The following STUM variants were observed in gnomAD, a reference collection of about 807,000 sequenced individuals.
STUM encodes the protein protein stum homolog.
STUM carries 8 observed loss-of-function variants against 15.3 expected under a neutral mutation model. The observed-to-expected ratio is 0.52, with a 90% confidence interval of 0.31 to 0.94. The LOEUF is 0.94. STUM is among the 40% of genes least tolerant of loss of function. The pLI is 0.05. For synonymous variants in STUM, 78 were observed against 88.7 expected, an observed-to-expected ratio of 0.88 and a Z score of 0.68; for missense variants, 142 against 204.9, an observed-to-expected ratio of 0.69 and a Z score of 1.87.
rs1413229801 is a variant in STUM at position 226,549,390 on chromosome 1, G to A, written c.202+284G>A. Reference sequence around the variant, plus strand: ...GGAGCCCGCAGCGGCGGCCGGAATGGCTCTGCCGGCTTCGGAGTAGGGCTC... The same window carrying A: ...GGAGCCCGCAGCGGCGGCCGGAATGACTCTGCCGGCTTCGGAGTAGGGCTC... On this transcript the variant is annotated intron_variant, in intron 1 of 3. Coordinates refer to ENST00000366788, the MANE Select transcript of STUM (RefSeq NM_001003665.4). The surrounding 1 kb of genome is among the most constrained non-coding windows in gnomAD (Gnocchi z 6.8). Among the ~76,000 whole-genome samples, 1 of 152,220 alleles carries A rather than the reference G, an allele frequency of 6.6e-6. No homozygotes were observed. The highest frequency in any genetic ancestry group is 2.4e-5 in the African/African-American group (1 of 41,468).
At chr1:226,562,904 G>T (rs1489636275) in intron 1 of STUM, among the ~76,000 whole-genome samples, 1 of 152,158 alleles carries the variant, frequency 6.6e-6, no homozygotes, top group Non-Finnish European at 1.5e-5. Context: ...AAGTTTAACT[G>T]TGCTATGAAT....
chr1:226,594,486 A>G (rs1462296435), intron 1 of STUM, among the ~76,000 whole-genome samples: 3 of 151,868 alleles, frequency 2.0e-5, no homozygotes, highest in Non-Finnish European at 4.4e-5. Flanking sequence ...CCCGCTTTTA[A>G]CAGGCCATCT....
chr1:226,599,580 A>C (rs1346041011), intron 2 of STUM, among the ~76,000 whole-genome samples: 1 of 152,258 alleles, frequency 6.6e-6, no homozygotes, highest in African/African-American at 2.4e-5. Flanking sequence ...GGCTTTTCGC[A>C]TGGCATTGCC....
intron 1 of STUM, among the ~76,000 whole-genome samples, chr1:226,570,815 A>G (rs535763122): frequency 2.0e-5 from 3 of 152,222 alleles, no homozygotes; most frequent in Non-Finnish European, 2.9e-5. Flanking sequence ...TAGCGTTCTG[A>G]TGAAGCCTTG....
chr1:226,548,846 C>T lies in STUM; in HGVS notation c.-59C>T, dbSNP rs918317128. The T allele has an allele frequency of 8.4e-4, 1,066 of 1,267,940 alleles. No individual in the cohort carries two copies. The highest frequency in any genetic ancestry group is 9.8e-4 in the Non-Finnish European group (984 of 1,005,164). The allele number at this position is 1,267,940 out of a possible 1,614,324, so 78.5% of individuals were successfully genotyped here. A position where few individuals can be genotyped will look rare whatever the true frequency, so the allele number is the denominator to read the frequency against. On this transcript the variant is annotated 5_prime_UTR_variant, in exon 1 of 4. Coordinates refer to ENST00000366788, the MANE Select transcript of STUM (RefSeq NM_001003665.4). The stretch of plus-strand genomic sequence containing the variant: ...GCCCGCAGCCGACAGTCTCCTGCTC[C>T]CGTACGCTGGGCGCCAGCTCCGGCC...
intron 1 of STUM, among the ~76,000 whole-genome samples, chr1:226,580,230 C>T (rs1667897117): frequency 6.6e-6 from 1 of 152,078 alleles, no homozygotes; most frequent in South Asian, 2.1e-4. Context: ...GTGTGGATCT[C>T]TGAGATGAGA....
chr1:226,582,228 G>T (rs916238298), intron 1 of STUM, among the ~76,000 whole-genome samples: 2 of 152,204 alleles, frequency 1.3e-5, no homozygotes, highest in East Asian at 3.9e-4. Flanking sequence ...TTAATCCTTG[G>T]TTCTTTCCTG....
chr1:226,597,757 G>A (rs976241747), intron 2 of STUM, among the ~76,000 whole-genome samples: 4 of 152,258 alleles, frequency 2.6e-5, no homozygotes, highest in Non-Finnish European at 4.4e-5. Flanking sequence ...TAGATGCAGA[G>A]CCTGAGGGAG....
intron 1 of STUM, among the ~76,000 whole-genome samples, chr1:226,577,306 A>G (rs535177842): frequency 6.6e-5 from 10 of 152,312 alleles, no homozygotes; most frequent in African/African-American, 2.4e-4. Flanking sequence ...GTCGGGTGAC[A>G]TGATTCTAGT....
At chr1:226,557,001 C>T (rs540257720) in intron 1 of STUM, among the ~76,000 whole-genome samples, 1 of 152,292 alleles carries the variant, frequency 6.6e-6, no homozygotes, top group South Asian at 2.1e-4. Context: ...GAAGTTTACT[C>T]CCTTAGCAAC....
intron 2 of STUM, 95 bp downstream of exon 2, chr1:226,597,076 C>A: frequency 8.2e-7 from 1 of 1,213,100 alleles, no homozygotes; most frequent in South Asian, 1.2e-5. Flanking sequence ...AGGTCCTGCT[C>A]ACCCGCTAAG....
At chr1:226,550,599 T>TC (rs1005728138) in intron 1 of STUM, among the ~76,000 whole-genome samples, 1 of 151,934 alleles carries the variant, frequency 6.6e-6, no homozygotes, top group African/African-American at 2.4e-5. Context: ...ATCCACCTTT[T>TC]TTTTTTTTTT....
rs748550128 is a variant in STUM at position 226,549,865 on chromosome 1, T to G, written c.202+759T>G. ...GCAGCCGGCAGGGGTTCTGGTGGCA[T>G]CTATGTCCCACGTTTTAAAGCAGAG... On this transcript the variant is annotated intron_variant, in intron 1 of 3. Transcript: ENST00000366788. The surrounding 1 kb of genome is among the most constrained non-coding windows in gnomAD (Gnocchi z 6.8). Among the ~76,000 whole-genome samples, 7 of 152,188 alleles carry G rather than the reference T, an allele frequency of 4.6e-5. No homozygotes were observed. The highest frequency in any genetic ancestry group is 8.8e-5 in the Non-Finnish European group (6 of 68,028).
intron 3 of STUM, among the ~76,000 whole-genome samples, chr1:226,601,419 C>A (rs1273859184): frequency 6.6e-6 from 1 of 152,212 alleles, no homozygotes; most frequent in African/African-American, 2.4e-5. Flanking sequence ...AACACAATAC[C>A]CTTTCACACC....
chr1:226,555,040 A>G (rs901914528), intron 1 of STUM, among the ~76,000 whole-genome samples: 1 of 151,490 alleles, frequency 6.6e-6, no homozygotes, highest in African/African-American at 2.4e-5. Context: ...ATAGGGGCTC[A>G]CTCCCTCCTC....
At chr1:226,561,623 A>T (rs1427136247) in intron 1 of STUM, among the ~76,000 whole-genome samples, 1 of 152,212 alleles carries the variant, frequency 6.6e-6, no homozygotes, top group Non-Finnish European at 1.5e-5. Context: ...TTACCCTGTG[A>T]ACTTTCCAGT....
chr1:226,595,500 G>C (rs1668164343), intron 1 of STUM, among the ~76,000 whole-genome samples: 1 of 152,194 alleles, frequency 6.6e-6, no homozygotes, highest in African/African-American at 2.4e-5. Flanking sequence ...ATCTCTCTCT[G>C]TGTGTGTAAG....
chr1:226,561,744 G>C (rs1370559819), intron 1 of STUM, among the ~76,000 whole-genome samples: 2 of 152,128 alleles, frequency 1.3e-5, no homozygotes, highest in Non-Finnish European at 1.5e-5. Context: ...TAAGTCTAAG[G>C]GGAAGTTGGA....
intron 1 of STUM, among the ~76,000 whole-genome samples, chr1:226,569,642 A>T (rs1346804589): frequency 6.6e-6 from 1 of 152,182 alleles, no homozygotes; most frequent in Non-Finnish European, 1.5e-5. Context: ...GTGGGGCCAG[A>T]TAACTTGCAT....
Sources: allele counts gnomAD v4.1 joint callset (sites outside exome capture counted in the v4.1 genomes callset), GRCh38; gene constraint gnomAD v4.1.1; non-coding constraint Gnocchi (gnomAD v3.1); transcripts MANE v1.5; gene names NCBI Gene and HGNC (gene_info 2026-07-23, HGNC 2026-07-21).